Variants in COBL observed in about 807,000 individuals in gnomAD.
COBL encodes the protein protein cordon-bleu.
In COBL, 51 loss-of-function variants were observed where a neutral mutation model predicts 98.8. The observed-to-expected ratio is 0.52, with a 90% CI of 0.41 to 0.65. The LOEUF (loss-of-function observed/expected upper bound fraction) is 0.65, where lower values mean the gene tolerates loss of function less well. COBL is among the 30% of genes least tolerant of loss of function. The pLI is 0.00. For missense variants in COBL, 1,617 were observed against 1,617.5 expected (o/e 1.00, Z 0.01); for synonymous variants, 634 against 651.7 (o/e 0.97, Z 0.41).
intron 6 of COBL, among the ~76,000 whole-genome samples, chr7:51,107,249 C>G (rs1796394332): frequency 6.6e-6 from 1 of 151,972 alleles, no homozygotes; most frequent in Non-Finnish European, 1.5e-5. Context: ...CGCACGCCAC[C>G]ATGCCCAGCT....
Position 51,028,805 on chromosome 7 carries a change from A to C in COBL, c.2291T>G (p.Ile764Ser). The C allele has an allele frequency of 6.2e-7, 1 of 1,614,140 alleles. No individual in the cohort carries two copies. The highest frequency in any genetic ancestry group is 8.5e-7 in the Non-Finnish European group (1 of 1,180,034). The change falls in exon 10 of 13, where the codon ATT (isoleucine) becomes AGT (serine). Residue 764 changes from isoleucine (I) to serine (S), a missense_variant. Transcript: ENST00000265136. The stretch of plus-strand genomic sequence containing the variant: ...CCTCCAGAACTCTCTGACTTTCCCA[A>C]TGGGCTGAGATTCTGCTTCAGGCAC... ...SSVPEAESQP[I>S]GKVREFWRCN...
At chr7:51,145,382 T>C (rs1038425577) in intron 5 of COBL, among the ~76,000 whole-genome samples, 7 of 123,160 alleles carry the variant, frequency 5.7e-5, no homozygotes, top group African/African-American at 2.1e-4. Flanking sequence ...TTTTCTTTTT[T>C]TTTTCTTTTT....
chr7:51,231,687 A>G (rs1794773494), intron 1 of COBL, among the ~76,000 whole-genome samples: 1 of 152,320 alleles, frequency 6.6e-6, no homozygotes, highest in East Asian at 1.9e-4. Context: ...AGGTGACCCA[A>G]GAGGACTTAG....
At chr7:51,228,018 T>A (rs373426388) in intron 1 of COBL, among the ~76,000 whole-genome samples, 3 of 152,122 alleles carry the variant, frequency 2.0e-5, no homozygotes, top group Non-Finnish European at 4.4e-5. Context: ...GAGAAACGAC[T>A]TTACCCATCA....
intron 2 of COBL, among the ~76,000 whole-genome samples, chr7:51,218,573 A>G (rs1019115061): frequency 6.6e-6 from 1 of 152,196 alleles, no homozygotes; most frequent in Admixed American, 6.5e-5. Context: ...TCCTGGGTTC[A>G]AGCAATTATC....
chr7:51,184,250 C>T, intron 4 of COBL, 51 bp from the exon 5 acceptor site: 1 of 1,006,508 alleles, frequency 9.9e-7, no homozygotes. Flanking sequence ...ACAAGAGATT[C>T]AATACTTTAC....
intron 1 of COBL, among the ~76,000 whole-genome samples, chr7:51,248,723 T>C (rs977196304): frequency 6.6e-6 from 1 of 152,148 alleles, no homozygotes; most frequent in Admixed American, 6.5e-5. Flanking sequence ...CATTTTAATT[T>C]AAAAGAACTA....
chr7:51,172,553 C>T (rs1198988731), intron 5 of COBL: 2 of 1,276,046 alleles, frequency 1.6e-6, no homozygotes, highest in Non-Finnish European at 2.0e-6. Flanking sequence ...CACCAGGCCA[C>T]ATCATCTCCA....
chr7:51,098,224 C>CTGTTTTTTTTTTTTTTTTTTTTTTT (rs1795479333), intron 6 of COBL, among the ~76,000 whole-genome samples: 1 of 100,846 alleles, frequency 9.9e-6, no homozygotes, highest in African/African-American at 4.5e-5. Context: ...ATAGCAGTTT[C>CTGTTTTTTTTTTTTTTTTTTTTTTT]TTTTTTTTTT....
chr7:51,082,478 C>T (rs1041348211), intron 7 of COBL, among the ~76,000 whole-genome samples: 4 of 152,216 alleles, frequency 2.6e-5, no homozygotes, highest in Non-Finnish European at 5.9e-5. Flanking sequence ...CCATCTCAAA[C>T]AGGGTGTGCC....
chr7:51,188,048 G>C (rs944712551), intron 4 of COBL: 25 of 1,053,100 alleles, frequency 2.4e-5, no homozygotes, highest in Middle Eastern at 6.9e-4. Context: ...AAGCCTCAGA[G>C]GGGGGCTGTC....
intron 12 of COBL, chr7:51,022,465 C>A (rs1787034204): frequency 6.6e-6 from 1 of 152,278 alleles, no homozygotes; most frequent in Admixed American, 6.5e-5. Flanking sequence ...GGCACCAACG[C>A]CCACGGCTTC....
chr7:51,275,986 T>C (rs908903975), intron 1 of COBL, among the ~76,000 whole-genome samples: 3 of 152,202 alleles, frequency 2.0e-5, no homozygotes, highest in African/African-American at 7.2e-5. Context: ...GAAATGAGCC[T>C]CATCCTTTTT....
chr7:51,068,105 G>C (rs992963436), intron 7 of COBL, among the ~76,000 whole-genome samples: 1 of 152,238 alleles, frequency 6.6e-6, no homozygotes, highest in African/African-American at 2.4e-5. Flanking sequence ...TTGAGCGGCA[G>C]AGGCGGTGGG....
At chr7:51,090,274 C>T (rs944371756) in intron 6 of COBL, among the ~76,000 whole-genome samples, 9 of 152,188 alleles carry the variant, frequency 5.9e-5, no homozygotes, top group Non-Finnish European at 1.3e-4. Flanking sequence ...AATCCAGAAG[C>T]TTTTATGAGA....
intron 5 of COBL, among the ~76,000 whole-genome samples, chr7:51,153,034 A>G (rs1437089719): frequency 6.6e-6 from 1 of 152,172 alleles, no homozygotes; most frequent in Non-Finnish European, 1.5e-5. Context: ...CTAGCCTACT[A>G]TTGTATATCG....
chr7:51,264,469 G>A (rs1272844001), intron 1 of COBL, among the ~76,000 whole-genome samples: 3 of 151,924 alleles, frequency 2.0e-5, no homozygotes, highest in Admixed American at 6.6e-5. Context: ...TGAGGAGTTC[G>A]AGACCAGCCT....
chr7:51,133,882 G>A (rs1215507053), intron 6 of COBL, among the ~76,000 whole-genome samples: 1 of 152,126 alleles, frequency 6.6e-6, no homozygotes, highest in Admixed American at 6.5e-5. Flanking sequence ...ATGAACTGGA[G>A]GATGGCTAAT....
At chr7:51,098,224 C>CTTTTTTTTTTTTTTTTTTTTTTTTTTTTT (rs551768231) in intron 6 of COBL, among the ~76,000 whole-genome samples, 1,245 of 100,544 alleles carry the variant, frequency 0.012, 204 homozygotes, top group Middle Eastern at 0.017. Flanking sequence ...ATAGCAGTTT[C>CTTTTTTTTTTTTTTTTTTTTTTTTTTTTT]TTTTTTTTTT....
Sources: allele counts gnomAD v4.1 joint callset (sites outside exome capture counted in the v4.1 genomes callset), GRCh38; gene constraint gnomAD v4.1.1; transcripts MANE v1.5; gene names NCBI Gene and HGNC (gene_info 2026-07-23, HGNC 2026-07-21).